The following EPB41L1 variants were observed in gnomAD, a reference collection of about 807,000 sequenced individuals.
The protein encoded by EPB41L1 is erythrocyte membrane protein band 4.1 like 1.
In EPB41L1, 29 loss-of-function variants were observed where a neutral mutation model predicts 97.8. The observed-to-expected ratio is 0.30, with a 90% CI of 0.22 to 0.40. The LOEUF is 0.40. Among genes scored for constraint, EPB41L1 ranks in the 10% least tolerant of loss-of-function variants. The pLI, the probability that EPB41L1 is intolerant of heterozygous loss-of-function variation, is 1.00. For synonymous variants in EPB41L1, 383 were observed against 459.2 expected, an observed-to-expected ratio of 0.83 and a Z score of 2.12; for missense variants, 812 against 1,162.3, an observed-to-expected ratio of 0.70 and a Z score of 4.38.
intron 1 of EPB41L1, among the ~76,000 whole-genome samples, chr20:36,171,584 G>C (rs911427162): frequency 6.6e-6 from 1 of 152,162 alleles, no homozygotes; most frequent in Non-Finnish European, 1.5e-5. Context: ...TCCACTCTGT[G>C]GGGGGCTGAG....
At position 36,190,995 on chromosome 20, in the gene EPB41L1, C is replaced by T. The variant is rs368709178; in HGVS notation, c.1300+198C>T. On this transcript the variant is annotated intron_variant, in intron 11 of 21. Transcript: ENST00000338074. The surrounding 1 kb of genome is among the most constrained non-coding windows in gnomAD (Gnocchi z 5.8). ...AGTCCCAACCTAGAGCTCACTCCCACTTGAGATGTGATACTACCACTCTCT... is the reference window on the plus strand; with the variant it reads ...AGTCCCAACCTAGAGCTCACTCCCATTTGAGATGTGATACTACCACTCTCT... 9.8e-4 allele frequency among the ~76,000 whole-genome samples: 150 copies of T among 152,304 alleles called. No individual in the cohort carries two copies. The highest frequency in any genetic ancestry group is 3.5e-3 in the African/African-American group (144 of 41,560).
At chr20:36,158,524 C>T (rs776888964) in intron 1 of EPB41L1, among the ~76,000 whole-genome samples, 10 of 152,072 alleles carry the variant, frequency 6.6e-5, no homozygotes, top group African/African-American at 1.2e-4. Context: ...GAAGAGTGGG[C>T]GGTCTGATGT....
chr20:36,195,618 C>A lies in EPB41L1; in HGVS notation c.1485+254C>A, dbSNP rs1261737340. Among the ~76,000 whole-genome samples the A allele has an allele frequency of 3.3e-5, 5 of 152,190 alleles. No individual in the cohort carries two copies. Among genetic ancestry groups the A allele is most frequent in the African/African-American group, 1.2e-4 (5 of 41,438 alleles). On this transcript the variant is annotated intron_variant, in intron 13 of 21. Coordinates refer to ENST00000338074, the MANE Select transcript of EPB41L1 (RefSeq NM_012156.2). The surrounding 1 kb of genome is among the most constrained non-coding windows in gnomAD (Gnocchi z 4.6). ...CTCCCTCCTCCCTCAGCCCTCCCAC[C>A]CTCTCCCCAGCTCACCCGGTCCTCC...
intron 2 of EPB41L1, among the ~76,000 whole-genome samples, chr20:36,124,769 G>A (rs2058894492): frequency 6.6e-6 from 1 of 152,144 alleles, no homozygotes; most frequent in Non-Finnish European, 1.5e-5. Context: ...AGTATCTATT[G>A]GATGAATGAA....
rs142439314 is a variant in EPB41L1 at position 36,215,476 on chromosome 20, C to T, written c.2268+1036C>T. On this transcript the variant is annotated intron_variant, in intron 17 of 21. Coordinates refer to ENST00000338074, the MANE Select transcript of EPB41L1 (RefSeq NM_012156.2). ...TGTTTCTTGCCAACCTCCTGACATA[C>T]ACATAGGAAGGTAATTCCATCAATC... Among the ~76,000 whole-genome samples the T allele has an allele frequency of 7.4e-3, 1,134 of 152,286 alleles. 12 individuals are homozygous for T. The highest frequency in any genetic ancestry group is 0.026 in the African/African-American group (1,078 of 41,538).
At chr20:36,116,345 G>A (rs2058583784) in intron 2 of EPB41L1, among the ~76,000 whole-genome samples, 1 of 152,172 alleles carries the variant, frequency 6.6e-6, no homozygotes. Flanking sequence ...GATGAGGGGT[G>A]TTGTGGCCAG....
rs773223886 is a variant in EPB41L1, at chr20:36,125,404, T to C, written c.-10+12924T>C. 4.2e-6 allele frequency: 3 copies of C among 721,232 alleles called. No homozygotes were observed. In the South Asian group the frequency reaches 4.4e-5, roughly 11 times the overall value. The allele number at this position is 721,232 out of a possible 1,614,324, so 44.7% of individuals were successfully genotyped here. The stretch of plus-strand genomic sequence containing the variant: ...AGGTTCATTTGCATTTCTGATTCTG[T>C]TTCTTCATCTGTAAACAGGCTGCTG... On this transcript the variant is annotated intron_variant, in intron 2 of 19. Transcript: ENST00000202028.
chr20:36,133,517 T>C (rs1348064786), intron 2 of EPB41L1, among the ~76,000 whole-genome samples: 2 of 152,242 alleles, frequency 1.3e-5, no homozygotes, highest in African/African-American at 2.4e-5. Flanking sequence ...CAGAGGTACC[T>C]TCTTGCTACC....
chr20:36,195,167 T>C lies in EPB41L1; in HGVS notation c.1450-162T>C, dbSNP rs75059924. Among the ~76,000 whole-genome samples, 134 of 152,310 alleles carry C rather than the reference T, an allele frequency of 8.8e-4. No homozygotes were observed. Among genetic ancestry groups the C allele is most frequent in the African/African-American group, 2.8e-3 (118 of 41,572 alleles). On this transcript the variant is annotated intron_variant, in intron 12 of 21. Coordinates refer to ENST00000338074, the MANE Select transcript of EPB41L1 (RefSeq NM_012156.2). The surrounding 1 kb of genome is among the most constrained non-coding windows in gnomAD (Gnocchi z 4.6). ...CTTCACACCTGTACCTTCTTCTGAC[T>C]ACCTCACTGCCCTGCTGGTGGCCCA...
At chr20:36,174,572 CTT>C (rs761888628) in intron 2 of EPB41L1, among the ~76,000 whole-genome samples, 49 of 141,090 alleles carry the variant, frequency 3.5e-4, no homozygotes, top group Non-Finnish European at 3.7e-4. Context: ...CATGCCTGGC[CTT>C]TTTTTTTTTT....
intron 5 of EPB41L1, among the ~76,000 whole-genome samples, chr20:36,181,363 A>G (rs1450922939): frequency 6.6e-6 from 1 of 152,174 alleles, no homozygotes; most frequent in Non-Finnish European, 1.5e-5. Context: ...CTGGGCTTGC[A>G]GAGCTTGCTT....
At chr20:36,177,130 G>T (rs1347521998) in intron 3 of EPB41L1, among the ~76,000 whole-genome samples, 1 of 152,136 alleles carries the variant, frequency 6.6e-6, no homozygotes, top group Non-Finnish European at 1.5e-5. Context: ...TCCTTGTCAG[G>T]CTTGGTCCCG....
intron 2 of EPB41L1, among the ~76,000 whole-genome samples, chr20:36,121,010 G>A (rs1711591161): frequency 1.3e-5 from 2 of 151,472 alleles, no homozygotes; most frequent in Non-Finnish European, 2.9e-5. Context: ...ACGCATGGGG[G>A]TGAGATGTGC....
At chr20:36,131,442 G>A (rs1394878861) in intron 2 of EPB41L1, among the ~76,000 whole-genome samples, 1 of 151,968 alleles carries the variant, frequency 6.6e-6, no homozygotes, top group Non-Finnish European at 1.5e-5. Context: ...TGAAGAGCCT[G>A]TTCCTTGTGT....
chr20:36,210,684 C>T (rs139008324), intron 15 of EPB41L1, among the ~76,000 whole-genome samples: 6 of 152,124 alleles, frequency 3.9e-5, no homozygotes, highest in Non-Finnish European at 7.4e-5. Context: ...TGTCAGTTTC[C>T]TAGCAGGGGT....
At chr20:36,174,513 T>C (rs1456532023) in intron 2 of EPB41L1, among the ~76,000 whole-genome samples, 1 of 152,050 alleles carries the variant, frequency 6.6e-6, no homozygotes, top group East Asian at 1.9e-4. Flanking sequence ...GCTCAGGTGA[T>C]CCACCTGCCT....
exon 1 of EPB41L1, chr20:36,091,580 G>A (rs1184869112): frequency 6.6e-6 from 1 of 152,174 alleles, no homozygotes; most frequent in Non-Finnish European, 1.5e-5. Flanking sequence ...CTGCAAAATG[G>A]GGATAATCCC....
At chr20:36,100,959 A>T (rs895431753) in intron 1 of EPB41L1, among the ~76,000 whole-genome samples, 1 of 152,122 alleles carries the variant, frequency 6.6e-6, no homozygotes, top group East Asian at 1.9e-4. Context: ...GAGACACTGC[A>T]TCGGTATGGG....
chr20:36,192,454 C>T (rs369972658), intron 11 of EPB41L1, among the ~76,000 whole-genome samples: 14 of 144,866 alleles, frequency 9.7e-5, no homozygotes, highest in Admixed American at 1.4e-4. Flanking sequence ...CACTTGAACC[C>T]GGGAGATGAA....
Sources: gnomAD v4.1 joint callset for allele counts (sites outside exome capture counted in the v4.1 genomes callset) on GRCh38, gnomAD v4.1.1 for gene constraint, Gnocchi (gnomAD v3.1) non-coding constraint, MANE v1.5 for transcripts, NCBI Gene and HGNC (gene_info 2026-07-23, HGNC 2026-07-21) for gene names.